THSD7A: variants seen among roughly 807,000 people sequenced by gnomAD.
THSD7A encodes thrombospondin type-1 domain-containing protein 7A.
A neutral mutation model predicts 231.3 loss-of-function variants in THSD7A; 96 were observed. The ratio of observed to expected loss-of-function variants is 0.41; its 90% CI spans 0.35 to 0.49. The LOEUF (loss-of-function observed/expected upper bound fraction) is 0.49. THSD7A is among the 20% of genes least tolerant of loss of function. The pLI, the probability that THSD7A is intolerant of heterozygous loss-of-function variation, is 0.05. For synonymous variants in THSD7A, 940 were observed against 743.3 expected, an observed-to-expected ratio of 1.26 and a Z score of -4.30; for missense variants, 2,290 against 2,070.2, an observed-to-expected ratio of 1.11 and a Z score of -2.06.
intron 1 of THSD7A, among the ~76,000 whole-genome samples, chr7:11,695,393 CA>C (rs1780356431): frequency 6.6e-6 from 1 of 151,342 alleles, no homozygotes; most frequent in South Asian, 2.1e-4. Flanking sequence ...TCCTAGGCTT[CA>C]AAAAATTATC....
intron 1 of THSD7A, among the ~76,000 whole-genome samples, chr7:11,670,104 A>C (rs954424069): frequency 2.0e-5 from 3 of 152,192 alleles, no homozygotes; most frequent in Admixed American, 6.5e-5. Context: ...AAAGGACCCT[A>C]AACAAAGCAA....
chr7:11,617,899 A>G (rs186297696), intron 2 of THSD7A, among the ~76,000 whole-genome samples: 1 of 152,304 alleles, frequency 6.6e-6, no homozygotes. Context: ...TGACAAGTTA[A>G]TGGGTGCAGC....
chr7:11,402,078 C>A, intron 22 of THSD7A, 110 bp from the exon 23 acceptor site: 1 of 786,772 alleles, frequency 1.3e-6, no homozygotes, highest in Non-Finnish European at 2.0e-6. Flanking sequence ...CCCAGGCACA[C>A]ATAATATTTA....
chr7:11,389,910 T>G (rs1348415206), intron 23 of THSD7A, among the ~76,000 whole-genome samples: 1 of 152,158 alleles, frequency 6.6e-6, no homozygotes, highest in African/African-American at 2.4e-5. Context: ...GGCTTGAAAA[T>G]TCTTTTCTTT....
At chr7:11,766,930 T>C (rs913503506) in intron 1 of THSD7A, among the ~76,000 whole-genome samples, 6 of 152,166 alleles carry the variant, frequency 3.9e-5, no homozygotes, top group African/African-American at 1.4e-4. Flanking sequence ...TAATGTTTAT[T>C]GTCTTAGGTA....
chr7:11,634,610 C>T lies in THSD7A; in HGVS notation c.1022+1520G>A, dbSNP rs200388748. Among the ~76,000 whole-genome samples the T allele has an allele frequency of 1.7e-4, 24 of 137,834 alleles. No homozygotes were observed. The highest frequency in any genetic ancestry group is 6.0e-4 in the African/African-American group (23 of 38,208). The allele number at this position is 137,834 out of a possible 152,430, so 90.4% of individuals were successfully genotyped here. On this transcript the variant is annotated intron_variant, in intron 2 of 27. Transcript: ENST00000423059. This position sits in a 1 kb window ranked among gnomAD's most constrained non-coding sequence, Gnocchi z 4.1. ...TCAGAGGTACACACACACACACACA[C>T]ATACACACACACACATTTAAGGAGT...
chr7:11,486,173 G>A (rs1322944273), intron 6 of THSD7A, among the ~76,000 whole-genome samples: 1 of 152,098 alleles, frequency 6.6e-6, no homozygotes. Flanking sequence ...TTACTTATAA[G>A]AACTTACTCT....
chr7:11,616,507 T>C lies in THSD7A; in HGVS notation c.1022+19623A>G, dbSNP rs548786469. 1.2e-3 allele frequency among the ~76,000 whole-genome samples: 184 copies of C among 152,268 alleles called. 4 individuals are homozygous for C. The highest frequency in any genetic ancestry group is 3.4e-3 in the Middle Eastern group (1 of 294). On this transcript the variant is annotated intron_variant, in intron 2 of 27. Coordinates refer to ENST00000423059, the MANE Select transcript of THSD7A (RefSeq NM_015204.3). ...GCAGAAAGAAATTTTTTGCAGTGTATTGCTTTACACAGTCCAAGAATAATT... is the reference window on the plus strand; with the variant it reads ...GCAGAAAGAAATTTTTTGCAGTGTACTGCTTTACACAGTCCAAGAATAATT...
chr7:11,636,965 C>A lies in THSD7A; in HGVS notation c.191-4G>T. ...CCCATACATCGGCCCCATGGACCTA[C>A]AAAAATTATAACACAAAAATTAGCA... On this transcript the variant is annotated splice_polypyrimidine_tract_variant and splice_region_variant and intron_variant, in intron 1 of 27. Coordinates refer to ENST00000423059, the MANE Select transcript of THSD7A (RefSeq NM_015204.3). This position sits in a 1 kb window ranked among gnomAD's most constrained non-coding sequence, Gnocchi z 10.0. 6.3e-7 allele frequency: 1 copy of A among 1,592,258 alleles called. No individual in the cohort carries two copies. The highest frequency in any genetic ancestry group is 8.5e-7 in the Non-Finnish European group (1 of 1,171,516).
At chr7:11,735,525 G>C (rs1781886756) in intron 1 of THSD7A, among the ~76,000 whole-genome samples, 1 of 151,302 alleles carries the variant, frequency 6.6e-6, no homozygotes, top group African/African-American at 2.4e-5. Flanking sequence ...TTTATGTTTA[G>C]ACTTGATACT....
chr7:11,766,539 T>C (rs1352409802), intron 1 of THSD7A, among the ~76,000 whole-genome samples: 2 of 152,182 alleles, frequency 1.3e-5, no homozygotes, highest in Non-Finnish European at 2.9e-5. Context: ...TTTATCCTTA[T>C]AGAGATTAAA....
Position 11,411,799 on chromosome 7 carries a change from T to TA in THSD7A, c.3683-478dup, listed in dbSNP as rs1783795202. 6.6e-6 allele frequency among the ~76,000 whole-genome samples: 1 copy of TA among 152,184 alleles called. No homozygotes were observed. The highest frequency in any genetic ancestry group is 1.5e-5 in the Non-Finnish European group (1 of 68,030). On this transcript the variant is annotated intron_variant, in intron 18 of 27. Coordinates refer to ENST00000423059, the MANE Select transcript of THSD7A (RefSeq NM_015204.3). The surrounding 1 kb of genome is among the most constrained non-coding windows in gnomAD (Gnocchi z 4.1). ...AAAATGCATACGTTTATTAAAGTGA[T>TA]AAAAATCACTTTGGCCATATTTATT...
chr7:11,441,278 T>C (rs1784795660), intron 13 of THSD7A, among the ~76,000 whole-genome samples: 1 of 152,022 alleles, frequency 6.6e-6, no homozygotes, highest in African/African-American at 2.4e-5. Context: ...TATAAGATGA[T>C]ACACCCTTTA....
chr7:11,523,608 T>A (rs899754114), intron 6 of THSD7A, among the ~76,000 whole-genome samples: 3 of 152,036 alleles, frequency 2.0e-5, no homozygotes, highest in Admixed American at 2.0e-4. Flanking sequence ...AAGTTAATAA[T>A]AGAGAAGGAA....
intron 1 of THSD7A, among the ~76,000 whole-genome samples, chr7:11,694,991 C>G (rs1032360625): frequency 5.3e-5 from 8 of 151,484 alleles, no homozygotes; most frequent in South Asian, 2.1e-4. Flanking sequence ...CTTACCTAGA[C>G]TGTCTCATTT....
chr7:11,495,273 T>C (rs142072597), intron 6 of THSD7A, among the ~76,000 whole-genome samples: 3 of 152,238 alleles, frequency 2.0e-5, no homozygotes, highest in African/African-American at 4.8e-5. Context: ...TGCTGTTTTA[T>C]ATCATATTTT....
At chr7:11,558,745 A>G (rs958624066) in intron 4 of THSD7A, among the ~76,000 whole-genome samples, 1 of 152,198 alleles carries the variant, frequency 6.6e-6, no homozygotes, top group African/African-American at 2.4e-5. Context: ...TGATTGTAAA[A>G]TAATAATTGG....
At chr7:11,809,835 G>C (rs1261765066) in intron 1 of THSD7A, among the ~76,000 whole-genome samples, 1 of 152,164 alleles carries the variant, frequency 6.6e-6, no homozygotes, top group African/African-American at 2.4e-5. Flanking sequence ...AGCATAAATG[G>C]TGTCATACGT....
At chr7:11,736,908 C>A (rs1781935455) in intron 1 of THSD7A, among the ~76,000 whole-genome samples, 2 of 152,100 alleles carry the variant, frequency 1.3e-5, no homozygotes, top group South Asian at 2.1e-4. Flanking sequence ...TTTCCCCCAT[C>A]CTATTCTTGT....
Sources: gnomAD v4.1 joint callset for allele counts (sites outside exome capture counted in the v4.1 genomes callset) on GRCh38, gnomAD v4.1.1 for gene constraint, Gnocchi (gnomAD v3.1) non-coding constraint, MANE v1.5 for transcripts, NCBI Gene and HGNC (gene_info 2026-07-23, HGNC 2026-07-21) for gene names.